Variants in EXOC6B observed in about 807,000 individuals in gnomAD.
The protein encoded by EXOC6B is exocyst complex component 6B, also known as SEC15 homolog B.
EXOC6B carries 54 observed loss-of-function variants against 113.5 expected under a neutral mutation model. The observed-to-expected ratio is 0.48, with a 90% CI of 0.38 to 0.60. The LOEUF (loss-of-function observed/expected upper bound fraction) is 0.60, where lower values mean the gene tolerates loss of function less well. Ranked by LOEUF, EXOC6B falls within the 20% of genes least tolerant of loss-of-function variation. The pLI is 0.00. For synonymous variants in EXOC6B, 357 were observed against 339.0 expected (o/e 1.05, Z -0.58); for missense variants, 797 against 977.5 (o/e 0.82, Z 2.46).
At chr2:72,493,322 C>T (rs557862470) in intron 15 of EXOC6B, among the ~76,000 whole-genome samples, 388 of 4,402 alleles carry the variant, frequency 0.088, 6 homozygotes, top group African/African-American at 0.17. Context: ...GTTTTTCTCC[C>T]CCCCCCCCCC....
At chr2:72,419,797 T>C (rs1014304811) in intron 18 of EXOC6B, among the ~76,000 whole-genome samples, 3 of 152,324 alleles carry the variant, frequency 2.0e-5, no homozygotes, top group South Asian at 4.1e-4. Flanking sequence ...TTCATCCAAT[T>C]TTGAGTTTTT....
intron 1 of EXOC6B, among the ~76,000 whole-genome samples, chr2:72,757,063 CTTAAATA>C (rs1473655648): frequency 6.6e-6 from 1 of 152,090 alleles, no homozygotes; most frequent in Admixed American, 6.6e-5. Flanking sequence ...TTATCTATTA[CTTAAATA>C]AACATGTATT....
chr2:72,358,007 G>A (rs912163517), intron 19 of EXOC6B, among the ~76,000 whole-genome samples: 1 of 152,096 alleles, frequency 6.6e-6, no homozygotes, highest in Non-Finnish European at 1.5e-5. Context: ...ACTGTATAAG[G>A]TTCAGTACTA....
chr2:72,606,174 A>G (rs1670740144), intron 6 of EXOC6B, among the ~76,000 whole-genome samples: 1 of 152,178 alleles, frequency 6.6e-6, no homozygotes. Flanking sequence ...TCTAATCTAC[A>G]TAAATTTCAA....
At chr2:72,479,145 T>C (rs950180162) in intron 17 of EXOC6B, among the ~76,000 whole-genome samples, 1 of 152,172 alleles carries the variant, frequency 6.6e-6, no homozygotes, top group African/African-American at 2.4e-5. Context: ...TAGTAAGTCA[T>C]GATATGAACA....
intron 1 of EXOC6B, among the ~76,000 whole-genome samples, chr2:72,795,761 G>A (rs915604743): frequency 1.3e-5 from 2 of 152,136 alleles, no homozygotes; most frequent in Non-Finnish European, 2.9e-5. Flanking sequence ...CTTATCAGCT[G>A]TGAGATATGG....
chr2:72,332,948 A>G (rs151163415), intron 20 of EXOC6B, among the ~76,000 whole-genome samples: 104 of 152,106 alleles, frequency 6.8e-4, no homozygotes, highest in African/African-American at 2.4e-3. Flanking sequence ...CAATCACTCA[A>G]CCTACCTGAG....
chr2:72,753,006 T>G (rs147052737), intron 1 of EXOC6B, among the ~76,000 whole-genome samples: 2,470 of 152,110 alleles, frequency 0.016, 86 homozygotes, highest in African/African-American at 0.057. Context: ...CATCAATACC[T>G]CAGTTGTTAG....
At position 72,193,457 on chromosome 2, in the gene EXOC6B, G is replaced by C. The variant is rs143745790; in HGVS notation, c.2197-9270C>G. Among the ~76,000 whole-genome samples, 342 of 152,242 alleles carry C rather than the reference G, an allele frequency of 2.2e-3. 3 individuals carry two copies. Among genetic ancestry groups the C allele is most frequent in the Non-Finnish European group, 3.9e-3 (263 of 68,014 alleles). On this transcript the variant is annotated intron_variant, in intron 20 of 21. Transcript: ENST00000272427. Reference sequence around the variant, plus strand: ...TGACACAGAAATCTGGGCAAATGTAGAAAATGCAAAGCAGGGCTTATTTCG... The same window carrying C: ...TGACACAGAAATCTGGGCAAATGTACAAAATGCAAAGCAGGGCTTATTTCG...
chr2:72,715,605 G>A (rs111966519), intron 6 of EXOC6B, among the ~76,000 whole-genome samples: 7 of 152,120 alleles, frequency 4.6e-5, no homozygotes, highest in East Asian at 1.9e-4. Context: ...CCTACTACCA[G>A]AGCAGAGGAA....
intron 20 of EXOC6B, among the ~76,000 whole-genome samples, chr2:72,245,771 C>T (rs549977188): frequency 6.6e-6 from 1 of 151,992 alleles, no homozygotes; most frequent in Admixed American, 6.6e-5. Context: ...AAAGAACAGA[C>T]CATTATGTAA....
intron 20 of EXOC6B, among the ~76,000 whole-genome samples, chr2:72,319,652 G>T (rs1687734256): frequency 6.6e-6 from 1 of 152,144 alleles, no homozygotes; most frequent in Admixed American, 6.5e-5. Flanking sequence ...AATGAATATG[G>T]AACACTTTGG....
chr2:72,381,545 C>T (rs1691677843), intron 18 of EXOC6B, among the ~76,000 whole-genome samples: 1 of 151,996 alleles, frequency 6.6e-6, no homozygotes, highest in Admixed American at 6.6e-5. Context: ...AGAGAAAAAC[C>T]ATAAATAAAT....
chr2:72,623,718 T>C (rs992853135), intron 6 of EXOC6B, among the ~76,000 whole-genome samples: 8 of 152,216 alleles, frequency 5.3e-5, no homozygotes, highest in African/African-American at 1.7e-4. Context: ...GAGTTATTCA[T>C]CTGTTCCATA....
chr2:72,245,845 A>G (rs951190854), intron 20 of EXOC6B, among the ~76,000 whole-genome samples: 1 of 152,260 alleles, frequency 6.6e-6, no homozygotes, highest in Non-Finnish European at 1.5e-5. Flanking sequence ...CACCTTTTAA[A>G]AAAACATCTG....
intron 19 of EXOC6B, among the ~76,000 whole-genome samples, chr2:72,373,878 C>A (rs961468891): frequency 6.6e-6 from 1 of 152,106 alleles, no homozygotes; most frequent in African/African-American, 2.4e-5. Context: ...AATCCCAATA[C>A]TTTGGAAGGC....
chr2:72,251,156 T>C lies in EXOC6B; in HGVS notation c.2197-66969A>G, dbSNP rs114816823. Reference sequence around the variant, plus strand: ...CCTTTTTTTCCTTTTGCTGTCTACTTTATTTCTTAGCATGTTTGTTCCTGA... The same window carrying C: ...CCTTTTTTTCCTTTTGCTGTCTACTCTATTTCTTAGCATGTTTGTTCCTGA... On this transcript the variant is annotated intron_variant, in intron 20 of 21. Coordinates refer to ENST00000272427, the MANE Select transcript of EXOC6B (RefSeq NM_015189.3). Among the ~76,000 whole-genome samples, 992 of 124,352 alleles carry C rather than the reference T, an allele frequency of 8.0e-3. 13 individuals carry two copies. Among genetic ancestry groups the C allele is most frequent in the African/African-American group, 0.024 (930 of 38,022 alleles). The allele number at this position is 124,352 out of a possible 152,430, so 81.6% of individuals were successfully genotyped here.
At chr2:72,474,841 T>A (rs927225389) in intron 17 of EXOC6B, among the ~76,000 whole-genome samples, 2 of 152,172 alleles carry the variant, frequency 1.3e-5, no homozygotes, top group African/African-American at 4.8e-5. Context: ...TTCTGTACCA[T>A]TATATTCATA....
intron 1 of EXOC6B, among the ~76,000 whole-genome samples, chr2:72,786,340 C>G (rs1684376900): frequency 6.6e-6 from 1 of 152,166 alleles, no homozygotes; most frequent in African/African-American, 2.4e-5. Context: ...ATAATTCAAA[C>G]ACTTATTGAG....
Sources: gnomAD v4.1 joint callset for allele counts (sites outside exome capture counted in the v4.1 genomes callset) on GRCh38, gnomAD v4.1.1 for gene constraint, MANE v1.5 for transcripts, NCBI Gene and HGNC (gene_info 2026-07-23, HGNC 2026-07-21) for gene names.